Variants in ESR1 observed in about 807,000 individuals in gnomAD.
The protein encoded by ESR1 is estrogen receptor.
Under a neutral mutation model 52.7 loss-of-function variants are expected in ESR1, and 12 were observed. That is an observed-to-expected ratio of 0.23 (90% CI 0.15 to 0.37). The LOEUF is 0.37. Among genes scored for constraint, ESR1 ranks in the 10% least tolerant of loss-of-function variants. ESR1 has a pLI of 1.00. For missense variants in ESR1, 584 were observed against 779.7 expected (o/e 0.75, Z 2.99); for synonymous variants, 305 against 316.8 (o/e 0.96, Z 0.39).
At chr6:151,819,191 G>T (rs1295003490) in intron 1 of ESR1, among the ~76,000 whole-genome samples, 1 of 152,188 alleles carries the variant, frequency 6.6e-6, no homozygotes, top group African/African-American at 2.4e-5. Flanking sequence ...CCTGGCATTT[G>T]TTCGGTGTGC....
chr6:152,033,816 A>G (rs977144360), intron 5 of ESR1, among the ~76,000 whole-genome samples: 1 of 152,200 alleles, frequency 6.6e-6, no homozygotes, highest in Admixed American at 6.5e-5. Context: ...AGGATTATAA[A>G]TCATGCTGCT....
At chr6:151,704,473 T>A (rs1780033752) in intron 2 of ESR1, among the ~76,000 whole-genome samples, 1 of 152,194 alleles carries the variant, frequency 6.6e-6, no homozygotes, top group African/African-American at 2.4e-5. Context: ...CAGGCTGGTC[T>A]TGAACTCCTG....
chr6:151,765,069 T>C (rs1784944301), intron 2 of ESR1, among the ~76,000 whole-genome samples: 1 of 152,212 alleles, frequency 6.6e-6, no homozygotes. Flanking sequence ...ATAATATATT[T>C]TGTTTGACAT....
At chr6:151,882,943 A>C (rs1279694992) in intron 3 of ESR1, among the ~76,000 whole-genome samples, 4 of 152,176 alleles carry the variant, frequency 2.6e-5, no homozygotes, top group African/African-American at 9.7e-5. Flanking sequence ...GGCTCCATAC[A>C]CACTTGCACA....
chr6:151,695,299 T>C (rs1779254106), intron 1 of ESR1, among the ~76,000 whole-genome samples: 1 of 152,172 alleles, frequency 6.6e-6, no homozygotes, highest in Admixed American at 6.5e-5. Flanking sequence ...TAAGAATGGA[T>C]ATAACATGGG....
chr6:152,016,928 C>G (rs951482511), intron 5 of ESR1, among the ~76,000 whole-genome samples: 1 of 152,074 alleles, frequency 6.6e-6, no homozygotes, highest in African/African-American at 2.4e-5. Context: ...GCCCTGCAAC[C>G]CATGGATTAC....
At chr6:151,741,267 ATG>A (rs1783076644) in intron 2 of ESR1, among the ~76,000 whole-genome samples, 1 of 152,028 alleles carries the variant, frequency 6.6e-6, no homozygotes. Flanking sequence ...CTTAGCTTAA[ATG>A]TGTTGCACTA....
In ESR1 at chr6:152,061,285, A is replaced by G. The variant is rs974276; in HGVS notation, c.1369+161A>G. 0.22 allele frequency among the ~76,000 whole-genome samples: 33,339 copies of G among 152,148 alleles called. 5,303 individuals carry two copies. The highest frequency in any genetic ancestry group is 0.44 in the African/African-American group (18,078 of 41,474). ...CTACCAACATTGCAGATTCCTTATA[A>G]AGGTAGAACCATGCTAGCCAAATAG... On this transcript the variant is annotated intron_variant, in intron 6 of 7. Transcript: ENST00000206249. This position sits in a 1 kb window ranked among gnomAD's most constrained non-coding sequence, Gnocchi z 4.3.
chr6:152,073,492 T>A (rs545329318), intron 6 of ESR1, among the ~76,000 whole-genome samples: 36 of 152,290 alleles, frequency 2.4e-4, no homozygotes, highest in African/African-American at 8.4e-4. Context: ...TTGGTGAAAA[T>A]CCTTAATTAA....
intron 2 of ESR1, among the ~76,000 whole-genome samples, chr6:151,774,221 C>T (rs1444274192): frequency 6.6e-6 from 1 of 152,246 alleles, no homozygotes. Flanking sequence ...GGGAATGCCA[C>T]TCAATCTCAC....
chr6:151,685,545 A>T (rs527720707), upstream of ESR1, among the ~76,000 whole-genome samples: 1 of 152,236 alleles, frequency 6.6e-6, no homozygotes, highest in East Asian at 1.9e-4. Context: ...TCTGGATCCT[A>T]CTTGAGACCT....
chr6:152,026,162 A>G (rs2044130966), intron 5 of ESR1, among the ~76,000 whole-genome samples: 1 of 152,068 alleles, frequency 6.6e-6, no homozygotes, highest in African/African-American at 2.4e-5. Context: ...ACTTGAAATG[A>G]AGGTTTATTT....
rs1459330313 is a variant in ESR1, at chr6:151,970,422, G to A, written c.1096+25914G>A. ...ATGGAAACAGACAAAAATTTGTAGG[G>A]AAGCAAATCCCTTCAAGGTTGAGTC... On this transcript the variant is annotated intron_variant, in intron 4 of 7. Transcript: ENST00000206249. 2.0e-5 allele frequency among the ~76,000 whole-genome samples: 3 copies of A among 152,044 alleles called. No individual in the cohort carries two copies. The East Asian group carries it at 5.8e-4, about 29-fold the overall frequency.
chr6:151,721,862 A>C (rs755120617), intron 2 of ESR1, among the ~76,000 whole-genome samples: 6 of 152,252 alleles, frequency 3.9e-5, no homozygotes, highest in Non-Finnish European at 8.8e-5. Context: ...ATATTTGTTA[A>C]ACAAATGTAC....
intron 5 of ESR1, among the ~76,000 whole-genome samples, chr6:152,019,644 A>G (rs533450252): frequency 1.8e-4 from 28 of 152,374 alleles, no homozygotes; most frequent in Admixed American, 3.3e-4. Flanking sequence ...AACTGAATTT[A>G]TTAAAGTATA....
rs552063404 is a variant in ESR1 at position 151,945,561 on chromosome 6, C to T, written c.1096+1053C>T. On this transcript the variant is annotated intron_variant, in intron 4 of 7. Transcript: ENST00000206249. ...GACTTTCTCCCTGCCCCAGTGTATTCGTTCAGGAGCTAATGTAGATAAACC... is the reference window on the plus strand; with the variant it reads ...GACTTTCTCCCTGCCCCAGTGTATTTGTTCAGGAGCTAATGTAGATAAACC... Among the ~76,000 whole-genome samples the T allele has an allele frequency of 7.2e-5, 11 of 152,244 alleles. No homozygotes were observed. In the East Asian group the frequency reaches 1.7e-3, roughly 24 times the overall value.
At chr6:151,848,895 C>A (rs942002958) in intron 2 of ESR1, among the ~76,000 whole-genome samples, 3 of 152,122 alleles carry the variant, frequency 2.0e-5, no homozygotes, top group African/African-American at 7.2e-5. Flanking sequence ...GACATATTCT[C>A]TCTCCTATTC....
At chr6:151,674,493 C>A (rs1044638119) in intron 1 of ESR1, among the ~76,000 whole-genome samples, 5 of 152,126 alleles carry the variant, frequency 3.3e-5, no homozygotes, top group South Asian at 4.1e-4. Context: ...AATAAACATG[C>A]GTGTGCATGT....
At chr6:151,831,045 CAG>C (rs1172281818) in intron 1 of ESR1, among the ~76,000 whole-genome samples, 1 of 152,148 alleles carries the variant, frequency 6.6e-6, no homozygotes, top group East Asian at 1.9e-4. Context: ...TGGAACTCAA[CAG>C]AGTTCTTAAC....
Sources: gnomAD v4.1 joint callset for allele counts (sites outside exome capture counted in the v4.1 genomes callset) on GRCh38, gnomAD v4.1.1 for gene constraint, Gnocchi (gnomAD v3.1) non-coding constraint, MANE v1.5 for transcripts, NCBI Gene and HGNC (gene_info 2026-07-23, HGNC 2026-07-21) for gene names.